The following SNTG1 variants were observed in gnomAD, a reference collection of about 807,000 sequenced individuals.
SNTG1 encodes gamma-1-syntrophin.
SNTG1 carries 39 observed loss-of-function variants against 74.7 expected under a neutral mutation model. That is an observed-to-expected ratio of 0.52 (90% CI 0.40 to 0.68). The LOEUF (loss-of-function observed/expected upper bound fraction) is 0.68, where lower values mean the gene tolerates loss of function less well. SNTG1 is among the 30% of genes least tolerant of loss of function. The probability of loss-of-function intolerance (pLI) is 0.00; values close to 1 mark genes in which losing one functional copy is unlikely to be tolerated. For missense variants in SNTG1, 685 were observed against 609.5 expected (o/e 1.12, Z -1.30); for synonymous variants, 254 against 217.1 (o/e 1.17, Z -1.49).
chr8:50,295,106 C>A (rs1159611721), intron 2 of SNTG1, among the ~76,000 whole-genome samples: 1 of 152,114 alleles, frequency 6.6e-6, no homozygotes, highest in Non-Finnish European at 1.5e-5. Context: ...TAAGACAATA[C>A]CTACCTCCAA....
chr8:50,760,667 C>T (rs1034564169), intron 18 of SNTG1, among the ~76,000 whole-genome samples: 2 of 151,492 alleles, frequency 1.3e-5, no homozygotes, highest in Admixed American at 6.6e-5. Context: ...ATCAAATAGA[C>T]ACAAAAAAAA....
chr8:50,499,994 C>A (rs917785434), intron 8 of SNTG1, among the ~76,000 whole-genome samples: 26 of 151,814 alleles, frequency 1.7e-4, no homozygotes, highest in Admixed American at 1.6e-3. Context: ...TCCTTTTTAT[C>A]TTTAGTTTGC....
At chr8:50,113,071 T>A (rs1334046319) in intron 1 of SNTG1, among the ~76,000 whole-genome samples, 3 of 152,166 alleles carry the variant, frequency 2.0e-5, no homozygotes, top group Non-Finnish European at 2.9e-5. Context: ...GATTTTGACT[T>A]GGCAATGTGG....
intron 2 of SNTG1, among the ~76,000 whole-genome samples, chr8:50,237,417 A>G (rs563577553): frequency 2.0e-5 from 3 of 152,270 alleles, no homozygotes; most frequent in East Asian, 1.9e-4. Flanking sequence ...GAATTTGGCC[A>G]TCATTGCTGA....
At chr8:50,749,909 C>T (rs2095563425) in intron 17 of SNTG1, among the ~76,000 whole-genome samples, 1 of 152,068 alleles carries the variant, frequency 6.6e-6, no homozygotes, top group South Asian at 2.1e-4. Flanking sequence ...ATCCATTCTG[C>T]AGTCCATGAA....
intron 15 of SNTG1, among the ~76,000 whole-genome samples, chr8:50,660,833 CTT>C (rs1196697981): frequency 1.3e-5 from 2 of 152,204 alleles, no homozygotes; most frequent in African/African-American, 2.4e-5. Context: ...TGTTCTATCT[CTT>C]TGTTACAATT....
intron 15 of SNTG1, among the ~76,000 whole-genome samples, chr8:50,666,809 A>G (rs1166369265): frequency 6.6e-6 from 1 of 152,068 alleles, no homozygotes; most frequent in African/African-American, 2.4e-5. Context: ...GCATAAATAG[A>G]AAAAATAACT....
intron 2 of SNTG1, among the ~76,000 whole-genome samples, chr8:50,212,982 T>C (rs1302135547): frequency 6.6e-6 from 1 of 152,170 alleles, no homozygotes; most frequent in African/African-American, 2.4e-5. Flanking sequence ...ATGATGCCTC[T>C]CCCAATAAAC....
intron 8 of SNTG1, among the ~76,000 whole-genome samples, chr8:50,455,388 A>C (rs1219450708): frequency 3.3e-5 from 5 of 152,222 alleles, no homozygotes; most frequent in Admixed American, 2.6e-4. Context: ...AATAGAATTT[A>C]TTAGGTAATT....
chr8:50,348,469 C>T (rs2130983183), intron 2 of SNTG1, among the ~76,000 whole-genome samples: 1 of 152,270 alleles, frequency 6.6e-6, no homozygotes, highest in South Asian at 2.1e-4. Flanking sequence ...AATCCATTTT[C>T]TCCATGACTT....
Position 50,020,602 on chromosome 8 carries a change from T to A in SNTG1, c.-103+108371T>A, listed in dbSNP as rs1193615846. ...TAGGCACATCATTAATCTGCATGGA[T>A]TTTATTGTTGTTTGATTGGTTTTGA... On this transcript the variant is annotated intron_variant, in intron 1 of 18. Coordinates refer to ENST00000642720, the MANE Select transcript of SNTG1 (RefSeq NM_018967.5). 3.3e-5 allele frequency among the ~76,000 whole-genome samples: 5 copies of A among 152,248 alleles called. No homozygotes were observed. In the East Asian group the frequency reaches 9.7e-4, roughly 29 times the overall value.
chr8:49,972,376 TA>T (rs1811771600), intron 1 of SNTG1, among the ~76,000 whole-genome samples: 1 of 152,150 alleles, frequency 6.6e-6, no homozygotes, highest in Admixed American at 6.5e-5. Context: ...CAAGATGGAT[TA>T]AAGACTTCAA....
chr8:50,583,561 C>T (rs531690927), intron 12 of SNTG1, among the ~76,000 whole-genome samples: 2 of 152,170 alleles, frequency 1.3e-5, no homozygotes, highest in African/African-American at 4.8e-5. Flanking sequence ...GAAGGATATT[C>T]ACAATACATT....
At chr8:50,370,121 A>C (rs970443917) in intron 2 of SNTG1, among the ~76,000 whole-genome samples, 1 of 152,204 alleles carries the variant, frequency 6.6e-6, no homozygotes, top group East Asian at 1.9e-4. Context: ...ATTGGCTGGC[A>C]GCTCCTAACT....
chr8:50,106,997 C>A (rs1035274792), intron 1 of SNTG1, among the ~76,000 whole-genome samples: 1 of 152,118 alleles, frequency 6.6e-6, no homozygotes, highest in Non-Finnish European at 1.5e-5. Flanking sequence ...GAGCAGAACA[C>A]ATAGGAAATA....
intron 15 of SNTG1, among the ~76,000 whole-genome samples, chr8:50,675,667 G>T (rs925429537): frequency 2.6e-5 from 4 of 151,486 alleles, no homozygotes; most frequent in Non-Finnish European, 4.4e-5. Context: ...ATTTAAGGTT[G>T]GTATTATTAT....
intron 4 of SNTG1, among the ~76,000 whole-genome samples, chr8:50,411,649 G>T (rs1242209705): frequency 6.6e-6 from 1 of 152,054 alleles, no homozygotes; most frequent in Non-Finnish European, 1.5e-5. Context: ...ATTAGAGATT[G>T]TTAAATTGAA....
chr8:49,921,463 G>A (rs1806541812), intron 1 of SNTG1, among the ~76,000 whole-genome samples: 1 of 152,082 alleles, frequency 6.6e-6, no homozygotes, highest in Non-Finnish European at 1.5e-5. Flanking sequence ...ATCAAATCAA[G>A]GATAGACAGT....
At chr8:50,364,953 A>G (rs2092068291) in intron 2 of SNTG1, among the ~76,000 whole-genome samples, 1 of 152,088 alleles carries the variant, frequency 6.6e-6, no homozygotes, top group African/African-American at 2.4e-5. Context: ...TTGCAAAACC[A>G]TAACAAATGT....
Sources: allele counts gnomAD v4.1 joint callset (sites outside exome capture counted in the v4.1 genomes callset), GRCh38; gene constraint gnomAD v4.1.1; transcripts MANE v1.5; gene names NCBI Gene and HGNC (gene_info 2026-07-23, HGNC 2026-07-21).